The following TMEM116 variants were observed in gnomAD, a reference collection of about 807,000 sequenced individuals.
TMEM116 encodes transmembrane protein 116.
A neutral mutation model predicts 44.3 loss-of-function variants in TMEM116; 38 were observed. That is an observed-to-expected ratio of 0.86 (90% CI 0.66 to 1.12). The LOEUF is 1.12. Ranked by LOEUF, TMEM116 falls within the 50% of genes most tolerant of loss-of-function variation. TMEM116 has a pLI of 0.00. For synonymous variants in TMEM116, 132 were observed against 144.8 expected (o/e 0.91, Z 0.64); for missense variants, 354 against 401.7 (o/e 0.88, Z 1.01).
In TMEM116 at chr12:111,967,407, C is replaced by T. The variant is rs572650758; in HGVS notation, c.211-24038G>A. Among the ~76,000 whole-genome samples, 8 of 152,018 alleles carry T rather than the reference C, an allele frequency of 5.3e-5. No individual in the cohort carries two copies. The East Asian group carries it at 5.8e-4, about 11-fold the overall frequency. On this transcript the variant is annotated intron_variant, in intron 4 of 10. Transcript: ENST00000552374. ...CCAAGTAAAATAGTGTATTTTTTTC[C>T]TCCAACCTGGCAGGCTTATCAGAAG...
chr12:111,948,411 G>A (rs2073447072), intron 4 of TMEM116, among the ~76,000 whole-genome samples: 1 of 152,174 alleles, frequency 6.6e-6, no homozygotes. Flanking sequence ...GCAGAGACAG[G>A]AATAAGGATG....
At chr12:111,994,260 A>AATATAAAAAAAAATAAAAAAAT (rs1157989052) in intron 3 of TMEM116, among the ~76,000 whole-genome samples, 1 of 152,188 alleles carries the variant, frequency 6.6e-6, no homozygotes. Context: ...AGAAATATAA[A>AATATAAAAAAAAATAAAAAAAT]ATATTAAGAT....
intron 4 of TMEM116, among the ~76,000 whole-genome samples, chr12:111,968,564 G>T (rs2075116777): frequency 6.6e-6 from 1 of 152,136 alleles, no homozygotes; most frequent in African/African-American, 2.4e-5. Flanking sequence ...CTATACTAAG[G>T]AGAATACTAA....
At chr12:111,973,140 A>G (rs1565923038) in intron 4 of TMEM116, among the ~76,000 whole-genome samples, 1 of 152,232 alleles carries the variant, frequency 6.6e-6, no homozygotes, top group Non-Finnish European at 1.5e-5. Context: ...TCTGTCTCAA[A>G]AAAACAAAAA....
intron 4 of TMEM116, among the ~76,000 whole-genome samples, chr12:111,966,236 G>A (rs1348085611): frequency 2.0e-5 from 3 of 152,010 alleles, no homozygotes; most frequent in Non-Finnish European, 2.9e-5. Flanking sequence ...AACCTAGAAG[G>A]CAGAGGTTGC....
intron 4 of TMEM116, among the ~76,000 whole-genome samples, chr12:111,947,251 G>A (rs1400904364): frequency 1.3e-5 from 2 of 148,968 alleles, no homozygotes; most frequent in South Asian, 2.1e-4. Context: ...ATAGTGACAT[G>A]TGATCCTGTT....
chr12:111,971,246 T>C (rs1181740878), intron 4 of TMEM116, among the ~76,000 whole-genome samples: 1 of 152,306 alleles, frequency 6.6e-6, no homozygotes, highest in South Asian at 2.1e-4. Context: ...AAATATAAAG[T>C]ATGTTTTTTT....
chr12:111,943,539 T>G (rs551358143), intron 4 of TMEM116, among the ~76,000 whole-genome samples, 170 bp from the exon 5 acceptor site: 4 of 152,276 alleles, frequency 2.6e-5, no homozygotes, highest in African/African-American at 9.6e-5. Context: ...AAATTCTTTT[T>G]TGTGTGTGTA....
chr12:111,964,231 G>C (rs1161331142), intron 4 of TMEM116, among the ~76,000 whole-genome samples: 1 of 151,474 alleles, frequency 6.6e-6, no homozygotes, highest in African/African-American at 2.4e-5. Flanking sequence ...ACAAGGTCAA[G>C]AGATCAAGAC....
At chr12:111,933,103 T>C (rs2071794002) in intron 9 of TMEM116, among the ~76,000 whole-genome samples, 1 of 152,088 alleles carries the variant, frequency 6.6e-6, no homozygotes, top group Admixed American at 6.5e-5. Flanking sequence ...TAGCTGGGCA[T>C]GGTGGCATGC....
chr12:111,957,940 T>C (rs1956025390), intron 4 of TMEM116, among the ~76,000 whole-genome samples: 1 of 152,246 alleles, frequency 6.6e-6, no homozygotes, highest in South Asian at 2.1e-4. Flanking sequence ...GAAAAATTCT[T>C]CTGCCTTGGG....
At chr12:112,000,827 C>A in intron 3 of TMEM116, 1 of 504,254 alleles carries the variant, frequency 2.0e-6, no homozygotes. Flanking sequence ...GAATACGGTT[C>A]ATTAGCTGAG....
In TMEM116 at chr12:111,995,670, G is replaced by A. The variant is rs1025393314; in HGVS notation, c.79-3781C>T. Among the ~76,000 whole-genome samples, 9 of 151,926 alleles carry A rather than the reference G, an allele frequency of 5.9e-5. No homozygotes were observed. The East Asian group carries it at 1.2e-3, about 20-fold the overall frequency. On this transcript the variant is annotated intron_variant, in intron 3 of 10. Coordinates refer to ENST00000552374, the MANE Select transcript of TMEM116 (RefSeq NM_001193531.2). Reference sequence around the variant, plus strand: ...GGAGAATCATTTGAACCCAGGAGGCGGAGGTTGCAGTGAGCCGAGATCATG... The same window carrying A: ...GGAGAATCATTTGAACCCAGGAGGCAGAGGTTGCAGTGAGCCGAGATCATG...
At position 111,982,168 on chromosome 12, in the gene TMEM116, A is replaced by G. The variant is rs556385153; in HGVS notation, c.210+9590T>C. On this transcript the variant is annotated intron_variant, in intron 4 of 10. Coordinates refer to ENST00000552374, the MANE Select transcript of TMEM116 (RefSeq NM_001193531.2). ...TATTATATACTTGAAAATTGCCAAC[A>G]GAGTAGATTTTAGATGTTCTCACCA... Among the ~76,000 whole-genome samples the G allele has an allele frequency of 6.6e-5, 10 of 152,288 alleles. No homozygotes were observed. In the South Asian group the frequency reaches 1.7e-3, roughly 25 times the overall value.
chr12:111,943,227 C>T lies in TMEM116; in HGVS notation c.315+38G>A, dbSNP rs114531260. The T allele has an allele frequency of 2.8e-4, 424 of 1,519,056 alleles. No homozygotes were observed. The African/African-American group carries it at 5.4e-3, about 19-fold the overall frequency. 94.1% of individuals were successfully genotyped at this position (1,519,056 alleles called of 1,614,324 possible). ...GTAGGAGTCACCACACCCGGCCTAG[C>T]ATACTATTATTAACTATCAGCCCTG... On this transcript the variant is annotated intron_variant, in intron 5 of 10. Coordinates refer to ENST00000552374, the MANE Select transcript of TMEM116 (RefSeq NM_001193531.2).
intron 4 of TMEM116, among the ~76,000 whole-genome samples, chr12:111,969,542 A>G: frequency 6.6e-6 from 1 of 150,430 alleles, no homozygotes; most frequent in South Asian, 2.1e-4. Context: ...CTACCTGGGC[A>G]CACCACAGGT....
intron 4 of TMEM116, among the ~76,000 whole-genome samples, chr12:111,979,208 A>C (rs1651819015): frequency 6.6e-6 from 1 of 152,202 alleles, no homozygotes; most frequent in Non-Finnish European, 1.5e-5. Flanking sequence ...CACTATTTAC[A>C]CTAGCCAAAA....
At chr12:112,009,575 C>T (rs1029814013) in intron 1 of TMEM116, among the ~76,000 whole-genome samples, 3 of 149,564 alleles carry the variant, frequency 2.0e-5, no homozygotes, top group South Asian at 4.2e-4. Flanking sequence ...CAGTGGGTCA[C>T]GCCTGTAATC....
intron 4 of TMEM116, among the ~76,000 whole-genome samples, chr12:111,966,137 C>A (rs1189233262): frequency 6.6e-6 from 1 of 151,982 alleles, no homozygotes; most frequent in Non-Finnish European, 1.5e-5. Context: ...AAAACCCTAT[C>A]TCCACTAAAA....
Sources: gnomAD v4.1 joint callset for allele counts (sites outside exome capture counted in the v4.1 genomes callset) on GRCh38, gnomAD v4.1.1 for gene constraint, MANE v1.5 for transcripts, NCBI Gene and HGNC (gene_info 2026-07-23, HGNC 2026-07-21) for gene names.